The following DHRS12 variants were observed in gnomAD, a reference collection of about 807,000 sequenced individuals.
DHRS12 encodes the protein dehydrogenase/reductase SDR family member 12.
A neutral mutation model predicts 32.1 loss-of-function variants in DHRS12; 29 were observed. That is an observed-to-expected ratio of 0.90 (90% CI 0.67 to 1.23). DHRS12 has a LOEUF of 1.23. DHRS12 is among the 50% of genes most tolerant of loss of function. The pLI is 0.00. For missense variants in DHRS12, 330 were observed against 337.2 expected, an observed-to-expected ratio of 0.98 and a Z score of 0.17; for synonymous variants, 150 against 135.9, an observed-to-expected ratio of 1.10 and a Z score of -0.72.
chr13:51,803,741 G>C (rs1335693490), intron 1 of DHRS12: 2 of 254,598 alleles, frequency 7.9e-6, no homozygotes, highest in African/African-American at 2.3e-5. Context: ...GGGGCGCCGA[G>C]GTGCCGCCCA....
At chr13:51,797,178 T>C (rs1955546005) in intron 2 of DHRS12, among the ~76,000 whole-genome samples, 3 of 152,200 alleles carry the variant, frequency 2.0e-5, no homozygotes, top group South Asian at 2.1e-4. Flanking sequence ...CGATGGATCA[T>C]GGGAATATGA....
At chr13:51,764,963 G>A (rs1401277235), downstream of DHRS12, 1 of 152,252 alleles carries the variant, frequency 6.6e-6, no homozygotes, top group Non-Finnish European at 1.5e-5. Flanking sequence ...GGTGCCGAGT[G>A]TTTGGGTGCA....
intron 7 of DHRS12, 148 bp downstream of exon 7, chr13:51,771,673 A>G: frequency 7.6e-7 from 1 of 1,323,932 alleles, no homozygotes; most frequent in Non-Finnish European, 1.1e-6. Context: ...TGCAGTCCCA[A>G]CGCGCCCCTG....
intron 5 of DHRS12, 59 bp downstream of exon 5, chr13:51,777,001 T>TCAG: frequency 6.2e-7 from 1 of 1,603,812 alleles, no homozygotes; most frequent in Non-Finnish European, 8.5e-7. Flanking sequence ...CTAGGCCCAC[T>TCAG]GACTTCCCAT....
At chr13:51,779,308 G>C (rs1018981977) in intron 4 of DHRS12, among the ~76,000 whole-genome samples, 1 of 152,158 alleles carries the variant, frequency 6.6e-6, no homozygotes, top group African/African-American at 2.4e-5. Flanking sequence ...GACTTCTTTG[G>C]GAAACATGCC....
At chr13:51,763,675 G>C (rs1264106690), downstream of DHRS12, 1 of 152,164 alleles carries the variant, frequency 6.6e-6, no homozygotes, top group African/African-American at 2.4e-5. Flanking sequence ...GCACACACCT[G>C]TATTCCCAGC....
chr13:51,800,182 C>T (rs1010940465), intron 1 of DHRS12, among the ~76,000 whole-genome samples: 5 of 152,206 alleles, frequency 3.3e-5, no homozygotes, highest in Non-Finnish European at 5.9e-5. Context: ...TTCAGGGACA[C>T]AAGGTGTGCA....
chr13:51,767,968 A>T, downstream of DHRS12: 2 of 1,356,630 alleles, frequency 1.5e-6, no homozygotes, highest in Non-Finnish European at 9.5e-7. Context: ...GAGACTTAAA[A>T]TAAGAAAAGA....
intron 6 of DHRS12, 93 bp downstream of exon 6, chr13:51,773,837 C>A: frequency 5.6e-6 from 6 of 1,068,058 alleles, no homozygotes; most frequent in Non-Finnish European, 8.6e-6. Flanking sequence ...TACTAAGGTC[C>A]GATTAATGTG....
intron 7 of DHRS12, chr13:51,770,905 TCTC>T (rs1953980071): frequency 3.4e-6 from 4 of 1,190,692 alleles, no homozygotes; most frequent in Non-Finnish European, 4.2e-6. Flanking sequence ...ATTAACTTCA[TCTC>T]CTACCACCAG....
At chr13:51,761,322 A>AT in the DHRS12 span, 1 of 152,210 alleles carries the variant, frequency 6.6e-6, no homozygotes, top group Non-Finnish European at 1.5e-5. Flanking sequence ...AGCTCAGGAT[A>AT]TTGAAGTCCC....
intron 8 of DHRS12, chr13:51,768,709 G>T: frequency 8.9e-7 from 1 of 1,126,004 alleles, no homozygotes; most frequent in Non-Finnish European, 1.1e-6. Context: ...CCACTCACAC[G>T]CCTGCCCCCT....
At chr13:51,759,946 G>A in the DHRS12 span, 3 of 589,590 alleles carry the variant, frequency 5.1e-6, no homozygotes, top group Non-Finnish European at 6.1e-6. Flanking sequence ...GCACTCGCAA[G>A]GGGACTCTTC....
chr13:51,784,674 G>A (rs967079575), intron 4 of DHRS12, among the ~76,000 whole-genome samples: 1 of 152,210 alleles, frequency 6.6e-6, no homozygotes, highest in African/African-American at 2.4e-5. Flanking sequence ...GATAGCTCAG[G>A]TAAAGGTTAT....
chr13:51,773,041 G>A (rs1390176861), intron 6 of DHRS12: 2 of 985,494 alleles, frequency 2.0e-6, no homozygotes, highest in Non-Finnish European at 2.4e-6. Flanking sequence ...GCCCTAGCGG[G>A]TGAATTTAAG....
At chr13:51,767,824 A>G (rs1593498335), downstream of DHRS12, 2 of 81,682 alleles carry the variant, frequency 2.4e-5, no homozygotes, top group South Asian at 2.5e-4. Flanking sequence ...CTGACACTGG[A>G]GGAGCTGAGA....
At chr13:51,756,772 G>A in the DHRS12 span, 1 of 461,458 alleles carries the variant, frequency 2.2e-6, no homozygotes, top group Non-Finnish European at 2.8e-6. Flanking sequence ...TTACCCAGGA[G>A]TATAAGGGCT....
chr13:51,786,285 A>G (rs1232886814), intron 4 of DHRS12, among the ~76,000 whole-genome samples: 1 of 152,208 alleles, frequency 6.6e-6, no homozygotes, highest in Non-Finnish European at 1.5e-5. Flanking sequence ...CTGTGGTGAG[A>G]GAGGCTAAGA....
intron 7 of DHRS12, chr13:51,771,224 T>C: frequency 6.4e-7 from 1 of 1,551,550 alleles, no homozygotes; most frequent in Non-Finnish European, 8.7e-7. Context: ...GTGTGTGCTG[T>C]GGCTGCTGCT....
Sources: allele counts gnomAD v4.1 joint callset (sites outside exome capture counted in the v4.1 genomes callset), GRCh38; gene constraint gnomAD v4.1.1; transcripts MANE v1.5; gene names NCBI Gene and HGNC (gene_info 2026-07-23, HGNC 2026-07-21).